The following DAD1 variants were observed in gnomAD, a reference collection of about 807,000 sequenced individuals.
DAD1 encodes the protein defender against cell death 1.
In DAD1, 4 loss-of-function variants were observed where a neutral mutation model predicts 9.0. That is an observed-to-expected ratio of 0.44 (90% CI 0.22 to 1.01). DAD1 has a LOEUF of 1.01. DAD1 is among the 50% of genes least tolerant of loss of function. The pLI is 0.24. For missense variants in DAD1, 119 were observed against 137.3 expected, an observed-to-expected ratio of 0.87 and a Z score of 0.67; for synonymous variants, 60 against 62.5, an observed-to-expected ratio of 0.96 and a Z score of 0.19.
chr14:22,575,259 A>G, intron 1 of DAD1, 26 bp from the exon 2 acceptor site: 1 of 1,612,376 alleles, frequency 6.2e-7, no homozygotes, highest in Admixed American at 1.7e-5. Context: ...AACACAAAAA[A>G]ATGATTATAT....
chr14:22,582,961 G>A (rs1000474025), intron 1 of DAD1, among the ~76,000 whole-genome samples: 2 of 145,490 alleles, frequency 1.4e-5, no homozygotes, highest in Non-Finnish European at 3.0e-5. Context: ...AGCCGAGATT[G>A]TGCCACTGCA....
At chr14:22,566,535 T>C (rs558213698) in intron 2 of DAD1, among the ~76,000 whole-genome samples, 7 of 152,168 alleles carry the variant, frequency 4.6e-5, no homozygotes, top group Non-Finnish European at 1.0e-4. Context: ...GGTTTCACCA[T>C]GTTGGTCAGG....
intron 1 of DAD1, among the ~76,000 whole-genome samples, chr14:22,579,047 A>C (rs1421045296): frequency 1.3e-5 from 2 of 152,224 alleles, no homozygotes; most frequent in African/African-American, 4.8e-5. Context: ...GTTTATAAAG[A>C]TAGCACGCTC....
chr14:22,587,173 A>G lies in DAD1; in HGVS notation c.211+1774T>C, dbSNP rs183604180. On this transcript the variant is annotated intron_variant, in intron 1 of 2. Coordinates refer to ENST00000250498, the MANE Select transcript of DAD1 (RefSeq NM_001344.4). Reference sequence around the variant, plus strand: ...GGCTTTATTACACTGATAATCTATAACTCTAGTCCATGCCCACTCTTCAGC... The same window carrying G: ...GGCTTTATTACACTGATAATCTATAGCTCTAGTCCATGCCCACTCTTCAGC... 2.7e-3 allele frequency among the ~76,000 whole-genome samples: 406 copies of G among 152,182 alleles called. 2 individuals carry two copies. The highest frequency in any genetic ancestry group is 6.8e-3 in the Middle Eastern group (2 of 294).
chr14:22,570,960 T>C (rs1196711200), intron 2 of DAD1, among the ~76,000 whole-genome samples: 1 of 152,114 alleles, frequency 6.6e-6, no homozygotes, highest in African/African-American at 2.4e-5. Flanking sequence ...AATACAGTTC[T>C]GTCCTTCTTT....
chr14:22,587,920 G>A (rs5742738), intron 1 of DAD1, among the ~76,000 whole-genome samples: 1 of 152,104 alleles, frequency 6.6e-6, no homozygotes, highest in Non-Finnish European at 1.5e-5. Context: ...ATTTTCAGTA[G>A]AGATGGGGTT....
At chr14:22,569,876 C>T (rs1391645185) in intron 2 of DAD1, among the ~76,000 whole-genome samples, 5 of 152,118 alleles carry the variant, frequency 3.3e-5, no homozygotes, top group African/African-American at 9.7e-5. Context: ...CTGTGACACA[C>T]CTGTAGGTCC....
chr14:22,586,663 G>A (rs2037155207), intron 1 of DAD1, among the ~76,000 whole-genome samples: 2 of 152,076 alleles, frequency 1.3e-5, no homozygotes, highest in Admixed American at 6.5e-5. Flanking sequence ...CCATTCTCTT[G>A]CAACAGGAAA....
At chr14:22,574,406 A>G (rs2037063344) in intron 2 of DAD1, among the ~76,000 whole-genome samples, 1 of 152,180 alleles carries the variant, frequency 6.6e-6, no homozygotes, top group Non-Finnish European at 1.5e-5. Context: ...ATTTCTGTCC[A>G]TCAAAAAAAA....
At chr14:22,567,741 C>T (rs957436570) in intron 2 of DAD1, among the ~76,000 whole-genome samples, 2 of 152,186 alleles carry the variant, frequency 1.3e-5, no homozygotes, top group East Asian at 3.8e-4. Context: ...GAATGTTTCC[C>T]CACTGCAAAA....
intron 1 of DAD1, among the ~76,000 whole-genome samples, chr14:22,586,793 C>T (rs555112644): frequency 3.9e-5 from 6 of 152,276 alleles, no homozygotes; most frequent in South Asian, 2.1e-4. Flanking sequence ...AGTTGATGAT[C>T]TAGGCTAACA....
intron 1 of DAD1, among the ~76,000 whole-genome samples, chr14:22,577,188 C>T (rs2037083069): frequency 6.6e-6 from 1 of 152,230 alleles, no homozygotes; most frequent in African/African-American, 2.4e-5. Context: ...AATCCCAGCA[C>T]TTTGGGAGGC....
intron 1 of DAD1, among the ~76,000 whole-genome samples, chr14:22,583,335 G>A (rs1359485005): frequency 6.6e-6 from 1 of 150,776 alleles, no homozygotes; most frequent in Non-Finnish European, 1.5e-5. Flanking sequence ...AAAAAGCAGT[G>A]AGGTGAGACA....
rs527700551 is a variant in DAD1, at chr14:22,572,377, A to G, written c.*44+2682T>C. On this transcript the variant is annotated intron_variant, in intron 2 of 2. Coordinates refer to ENST00000250498, the MANE Select transcript of DAD1 (RefSeq NM_001344.4). ...AGAAGCACATAAAAGGAGCAAATAA[A>G]TGTATATTTTTAAAAACTGAGAGCA... is the stretch of plus-strand genomic sequence containing the variant. Among the ~76,000 whole-genome samples the G allele has an allele frequency of 2.0e-5, 3 of 150,944 alleles. No homozygotes were observed. In the East Asian group the frequency reaches 5.8e-4, roughly 29 times the overall value.
intron 1 of DAD1, among the ~76,000 whole-genome samples, chr14:22,583,117 A>G (rs570573802): frequency 6.6e-6 from 1 of 152,182 alleles, no homozygotes; most frequent in Admixed American, 6.5e-5. Context: ...TTCAAGGTAC[A>G]TATCAGACAT....
At chr14:22,579,544 C>G (rs1021541616) in intron 1 of DAD1, among the ~76,000 whole-genome samples, 1 of 152,070 alleles carries the variant, frequency 6.6e-6, no homozygotes, top group Non-Finnish European at 1.5e-5. Flanking sequence ...AGTGTAAACC[C>G]CTGCTGTAGA....
rs1051189 is a variant in DAD1 at position 22,564,938 on chromosome 14, G to A, written c.*244C>T. The A allele has an allele frequency of 0.1, 59,447 of 587,456 alleles. 3,274 individuals are homozygous for A. Among genetic ancestry groups the A allele is most frequent in the South Asian group, 0.16 (7,527 of 46,688 alleles). The allele number at this position is 587,456 out of a possible 1,614,324, so 36.4% of individuals were successfully genotyped here. A position where few individuals can be genotyped will look rare whatever the true frequency, so the allele number is the denominator to read the frequency against. On this transcript the variant is annotated 3_prime_UTR_variant, in exon 3 of 3. Coordinates refer to ENST00000250498, the MANE Select transcript of DAD1 (RefSeq NM_001344.4). ...TGGCATGGAGTTCTTTAATTTGGAAGGCAAAAGGTTACATTTAATGAAAGG... is the reference window on the plus strand; with the variant it reads ...TGGCATGGAGTTCTTTAATTTGGAAAGCAAAAGGTTACATTTAATGAAAGG...
chr14:22,571,430 A>C (rs190003901), intron 2 of DAD1, among the ~76,000 whole-genome samples: 3 of 152,026 alleles, frequency 2.0e-5, no homozygotes, highest in Non-Finnish European at 2.9e-5. Flanking sequence ...TCATGGATTC[A>C]TTCAAAAATA....
chr14:22,583,201 A>T (rs1415018531), intron 1 of DAD1, among the ~76,000 whole-genome samples: 3 of 152,040 alleles, frequency 2.0e-5, no homozygotes, highest in Admixed American at 2.0e-4. Context: ...CTAAAAATAT[A>T]AAGGAGTAGT....
Sources: gnomAD v4.1 joint callset for allele counts (sites outside exome capture counted in the v4.1 genomes callset) on GRCh38, gnomAD v4.1.1 for gene constraint, MANE v1.5 for transcripts, NCBI Gene and HGNC (gene_info 2026-07-23, HGNC 2026-07-21) for gene names.